Variants in MCUB observed in about 807,000 individuals in gnomAD.
MCUB encodes calcium uniporter regulatory subunit MCUb, mitochondrial.
Under a neutral mutation model 41.4 loss-of-function variants are expected in MCUB, and 46 were observed. The ratio of observed to expected loss-of-function variants is 1.11; its 90% confidence interval spans 0.88 to 1.42. The LOEUF (loss-of-function observed/expected upper bound fraction) is 1.42, where lower values mean the gene tolerates loss of function less well. Among genes scored for constraint, MCUB ranks in the 40% most tolerant of loss-of-function variants. The probability of loss-of-function intolerance (pLI) is 0.00; values close to 1 mark genes in which losing one functional copy is unlikely to be tolerated. For synonymous variants in MCUB, 148 were observed against 148.2 expected (o/e 1.00, Z 0.01); for missense variants, 403 against 404.9 (o/e 1.00, Z 0.04).
chr4:109,561,383 C>G (rs568203988), intron 1 of MCUB, among the ~76,000 whole-genome samples: 1 of 152,276 alleles, frequency 6.6e-6, no homozygotes, highest in African/African-American at 2.4e-5. Context: ...TTTCCTTCCC[C>G]CCCTTTTCCT....
intron 1 of MCUB, among the ~76,000 whole-genome samples, chr4:109,598,219 G>A (rs1240299667): frequency 2.0e-5 from 3 of 150,654 alleles, no homozygotes; most frequent in Admixed American, 1.3e-4. Flanking sequence ...ATGCAATCTC[G>A]GCACTTTGGG....
intron 1 of MCUB, among the ~76,000 whole-genome samples, chr4:109,656,379 TTTTTTTTTTTTTTGG>T (rs1283006405): frequency 7.8e-4 from 66 of 84,756 alleles, no homozygotes; most frequent in South Asian, 2.5e-3. Flanking sequence ...TTTTTTTTTT[TTTTTTTTTTTTTTGG>T]AGACAGGGTT....
chr4:109,684,611 A>G lies in MCUB; in HGVS notation c.781A>G (p.Met261Val), dbSNP rs79405119. Residue 261 changes from methionine (M) to valine (V), a missense_variant, in exon 6 of 8, where the codon ATG becomes GTG. Transcript: ENST00000394650. Reference sequence around the variant, plus strand: ...ATACTTCATCACATTTGCAAATTCTATGGTCTTTTTTGCATACTTTATAGT... The same window carrying G: ...ATACTTCATCACATTTGCAAATTCTGTGGTCTTTTTTGCATACTTTATAGT... ...VTYFITFANSMVFFAYFIVTR... is the reference protein window; with the variant it reads ...VTYFITFANSVVFFAYFIVTR... 1,209 of 1,585,158 alleles carry G rather than the reference A, an allele frequency of 7.6e-4. 1 individual carries two copies. The highest frequency in any genetic ancestry group is 1.7e-3 in the Middle Eastern group (10 of 5,896).
At chr4:109,603,149 G>C (rs568240959) in intron 1 of MCUB, among the ~76,000 whole-genome samples, 1 of 152,140 alleles carries the variant, frequency 6.6e-6, no homozygotes, top group Non-Finnish European at 1.5e-5. Context: ...CTCTGTTACC[G>C]AGGCTGGACT....
rs1024745572 is a variant in MCUB, at chr4:109,685,325, T to C, written c.891T>C (p.Phe297=). 2.0e-5 allele frequency: 31 copies of C among 1,586,910 alleles called. No individual in the cohort carries two copies. Among genetic ancestry groups the C allele is most frequent in the Non-Finnish European group, 2.6e-5 (30 of 1,155,846 alleles). The change falls in exon 7 of 8, where the codon TTT becomes TTC. Residue 297 remains phenylalanine (F), a synonymous_variant. Transcript: ENST00000394650. ...FFHKKSKQQH[F]DVQQYNKLKE... ...ACAAGAAATCAAAGCAACAGCACTT[T>C]GATGTGCAGCAATACAACAAGTTAA...
At chr4:109,624,698 C>A (rs1437497526) in intron 1 of MCUB, among the ~76,000 whole-genome samples, 11 of 152,122 alleles carry the variant, frequency 7.2e-5, no homozygotes, top group Non-Finnish European at 1.3e-4. Context: ...GGCAAAGAAA[C>A]TGGCAGAGAT....
chr4:109,593,052 A>C (rs1353481891), intron 1 of MCUB, among the ~76,000 whole-genome samples: 1 of 152,176 alleles, frequency 6.6e-6, no homozygotes, highest in Non-Finnish European at 1.5e-5. Flanking sequence ...TGCTTCTTTC[A>C]GTGCTGAAAA....
intron 4 of MCUB, chr4:109,674,153 C>T (rs1729521944): frequency 8.9e-7 from 1 of 1,128,568 alleles, no homozygotes; most frequent in Admixed American, 1.7e-5. Flanking sequence ...GTTGGAGGAG[C>T]TTGCTTTAGT....
At chr4:109,662,968 C>G (rs1159710518) in intron 3 of MCUB, among the ~76,000 whole-genome samples, 1 of 152,140 alleles carries the variant, frequency 6.6e-6, no homozygotes, top group Non-Finnish European at 1.5e-5. Flanking sequence ...CTCACTGCAA[C>G]TGATGAACAG....
chr4:109,560,292 G>C lies in MCUB; in HGVS notation c.-46G>C, dbSNP rs1726587941. 1 of 987,280 alleles carries C rather than the reference G, an allele frequency of 1.0e-6. No homozygotes were observed. The highest frequency in any genetic ancestry group is 1.3e-6 in the Non-Finnish European group (1 of 762,702). 61.2% of individuals were successfully genotyped at this position (987,280 alleles called of 1,614,324 possible). A position where few individuals can be genotyped will look rare whatever the true frequency, so the allele number is the denominator to read the frequency against. ...CTGACGAGGAGCCCGGCTGAGGGAG[G>C]ATGCGCCGCTGACGCCTGCGGGAGC... On this transcript the variant is annotated 5_prime_UTR_variant, in exon 1 of 8. Coordinates refer to ENST00000394650, the MANE Select transcript of MCUB (RefSeq NM_017918.5).
At chr4:109,637,219 T>G (rs1728616044) in intron 1 of MCUB, among the ~76,000 whole-genome samples, 1 of 152,066 alleles carries the variant, frequency 6.6e-6, no homozygotes, top group Admixed American at 6.5e-5. Context: ...TCCCAAGCTG[T>G]GGGGAAATGT....
intron 1 of MCUB, among the ~76,000 whole-genome samples, chr4:109,635,907 T>G (rs913537425): frequency 6.6e-6 from 1 of 152,206 alleles, no homozygotes; most frequent in Admixed American, 6.5e-5. Context: ...CTAAACTTTG[T>G]TTGTCTTTTA....
intron 1 of MCUB, among the ~76,000 whole-genome samples, chr4:109,642,560 A>G (rs767586615): frequency 5.3e-5 from 8 of 152,166 alleles, no homozygotes; most frequent in East Asian, 1.9e-4. Flanking sequence ...TCATTAGGCA[A>G]ATTATGCTAG....
chr4:109,664,631 G>T (rs76116287), intron 4 of MCUB, among the ~76,000 whole-genome samples: 1,623 of 152,080 alleles, frequency 0.011, 33 homozygotes, highest in African/African-American at 0.037. Context: ...TCCCTATGTT[G>T]TCCAGGCTGG....
At chr4:109,661,513 C>T (rs771226338) in intron 3 of MCUB, among the ~76,000 whole-genome samples, 11 of 152,088 alleles carry the variant, frequency 7.2e-5, no homozygotes, top group Middle Eastern at 3.4e-3. Context: ...CTGTTCTATA[C>T]GCTAGAGGTA....
chr4:109,678,754 G>A (rs57247132), intron 4 of MCUB, among the ~76,000 whole-genome samples: 6,206 of 144,912 alleles, frequency 0.043, 476 homozygotes, highest in African/African-American at 0.15. Context: ...CGGGGCGGCC[G>A]GGCAGAGGTG....
At chr4:109,633,942 CTTTA>C (rs942626306) in intron 1 of MCUB, among the ~76,000 whole-genome samples, 2 of 145,886 alleles carry the variant, frequency 1.4e-5, no homozygotes, top group African/African-American at 2.5e-5. Flanking sequence ...CTCTATTACA[CTTTA>C]TTTATTCTTT....
At chr4:109,597,698 TC>T (rs1727605569) in intron 1 of MCUB, among the ~76,000 whole-genome samples, 1 of 132,250 alleles carries the variant, frequency 7.6e-6, no homozygotes, top group African/African-American at 3.1e-5. Flanking sequence ...ACCCCCCACC[TC>T]CCTCCTGGAC....
chr4:109,568,123 C>A (rs1034035576), intron 1 of MCUB, among the ~76,000 whole-genome samples: 1 of 152,154 alleles, frequency 6.6e-6, no homozygotes. Flanking sequence ...ATCATTGGCC[C>A]TCTAAGCCCT....
Sources: gnomAD v4.1 joint callset for allele counts (sites outside exome capture counted in the v4.1 genomes callset) on GRCh38, gnomAD v4.1.1 for gene constraint, MANE v1.5 for transcripts, NCBI Gene and HGNC (gene_info 2026-07-23, HGNC 2026-07-21) for gene names.